The following ZXDC variants were observed in gnomAD, a reference collection of about 807,000 sequenced individuals.
ZXDC encodes ZXD family zinc finger C, also known as zinc finger protein ZXDC.
Under a neutral mutation model 63.6 loss-of-function variants are expected in ZXDC, and 58 were observed. The observed-to-expected ratio is 0.91, with a 90% CI of 0.74 to 1.13. The LOEUF (loss-of-function observed/expected upper bound fraction) is 1.13. Among genes scored for constraint, ZXDC ranks in the 50% most tolerant of loss-of-function variants. The pLI is 0.00. For synonymous variants in ZXDC, 561 were observed against 496.1 expected (o/e 1.13, Z -1.74); for missense variants, 1,133 against 1,148.9 (o/e 0.99, Z 0.20).
intron 9 of ZXDC, 140 bp downstream of exon 9, chr3:126,439,492 A>G (rs1417906765): frequency 7.1e-7 from 1 of 1,410,936 alleles, no homozygotes; most frequent in East Asian, 2.5e-5. Context: ...AGGCAGCAAG[A>G]CATCCTGGCA....
chr3:126,474,484 G>C (rs907500566), intron 1 of ZXDC, among the ~76,000 whole-genome samples: 1 of 152,166 alleles, frequency 6.6e-6, no homozygotes, highest in African/African-American at 2.4e-5. Flanking sequence ...AGGTTCAACG[G>C]AAATCAAAGT....
At position 126,475,331 on chromosome 3, in the gene ZXDC, C is replaced by G; in HGVS notation, c.535G>C (p.Glu179Gln). ...GPSTPGYRCP[E>Q]PQCALAFAKK... ...GCGAAGGCCAGCGCGCACTGCGGCTCGGGGCAGCGGTAGCCGGGCGTGCTG... is the reference window on the plus strand; with the variant it reads ...GCGAAGGCCAGCGCGCACTGCGGCTGGGGGCAGCGGTAGCCGGGCGTGCTG... The change falls in exon 1 of 10, where the codon GAG becomes CAG. Residue 179 changes from glutamate to glutamine, a missense_variant. Coordinates refer to ENST00000389709, the MANE Select transcript of ZXDC (RefSeq NM_025112.5). 1 of 1,536,070 alleles carries G rather than the reference C, an allele frequency of 6.5e-7. No individual in the cohort carries two copies. The highest frequency in any genetic ancestry group is 8.8e-7 in the Non-Finnish European group (1 of 1,139,400).
At chr3:126,464,196 C>T (rs1934662487) in intron 5 of ZXDC, among the ~76,000 whole-genome samples, 1 of 152,204 alleles carries the variant, frequency 6.6e-6, no homozygotes, top group Admixed American at 6.5e-5. Context: ...CTACCAGAGA[C>T]CAGACATGTA....
At chr3:126,451,546 G>A (rs1388893679) in intron 7 of ZXDC, 7 of 985,364 alleles carry the variant, frequency 7.1e-6, no homozygotes, top group Non-Finnish European at 8.4e-6. Context: ...AAACATCACA[G>A]AGTGTCCCCA....
At chr3:126,458,016 G>C (rs1934376954) in intron 7 of ZXDC, among the ~76,000 whole-genome samples, 1 of 152,174 alleles carries the variant, frequency 6.6e-6, no homozygotes, top group Admixed American at 6.5e-5. Flanking sequence ...ACCTAGCAGA[G>C]AACCCTACAG....
intron 3 of ZXDC, among the ~76,000 whole-genome samples, chr3:126,471,715 G>T (rs1934986116): frequency 6.6e-6 from 1 of 151,352 alleles, no homozygotes; most frequent in Non-Finnish European, 1.5e-5. Context: ...AAAAAACCTG[G>T]AATTGTTTTT....
intron 7 of ZXDC, among the ~76,000 whole-genome samples, chr3:126,448,521 G>A (rs989201068): frequency 3.3e-5 from 5 of 152,128 alleles, no homozygotes; most frequent in Non-Finnish European, 7.4e-5. Context: ...ATCACAGAGG[G>A]GACCCTGCCT....
intron 4 of ZXDC, among the ~76,000 whole-genome samples, chr3:126,467,066 A>C (rs1450046147): frequency 6.6e-6 from 1 of 152,192 alleles, no homozygotes; most frequent in Non-Finnish European, 1.5e-5. Context: ...TTGCTGCAAC[A>C]AAGGGCAGAA....
chr3:126,451,371 T>G, intron 7 of ZXDC: 1 of 985,438 alleles, frequency 1.0e-6, no homozygotes, highest in Non-Finnish European at 1.2e-6. Flanking sequence ...TCTGGACATT[T>G]GAGTTACAAA....
chr3:126,461,840 C>A lies in ZXDC; in HGVS notation c.1822G>T (p.Ala608Ser), dbSNP rs766470949. 3.1e-6 allele frequency: 5 copies of A among 1,614,060 alleles called. No homozygotes were observed. In the African/African-American group the frequency reaches 6.7e-5, roughly 22 times the overall value. ...GGCAGAGCCACCAGACAGCCTAATG[C>A]TCCTGCACTCACAGTCTGCACGTCA... The part of the protein sequence containing the change: ...VDDVQTVSAG[A>S]LGCLVALPMK... Residue 608 changes from alanine (A) to serine (S), a missense_variant, in exon 6 of 10, where the codon GCA becomes TCA. Transcript: ENST00000389709.
At chr3:126,469,772 G>A (rs963801118) in intron 4 of ZXDC, among the ~76,000 whole-genome samples, 4 of 152,156 alleles carry the variant, frequency 2.6e-5, no homozygotes, top group South Asian at 4.1e-4. Context: ...AACTCTCTGC[G>A]CCCCTGCAGC....
intron 7 of ZXDC, chr3:126,450,345 G>A (rs183715511): frequency 1.3e-5 from 6 of 456,548 alleles, no homozygotes; most frequent in African/African-American, 6.0e-5. Context: ...CTCCCACTTC[G>A]GCAAGTCTGC....
At chr3:126,445,268 T>G (rs1933839557) in intron 7 of ZXDC, among the ~76,000 whole-genome samples, 1 of 152,104 alleles carries the variant, frequency 6.6e-6, no homozygotes, top group Non-Finnish European at 1.5e-5. Flanking sequence ...AATACATTCT[T>G]TGACAACAGC....
At chr3:126,445,700 C>T (rs1357772140) in intron 7 of ZXDC, among the ~76,000 whole-genome samples, 2 of 151,978 alleles carry the variant, frequency 1.3e-5, no homozygotes, top group Non-Finnish European at 2.9e-5. Flanking sequence ...GGAAGATGAA[C>T]CTGGAAAGGA....
intron 5 of ZXDC, among the ~76,000 whole-genome samples, 179 bp downstream of exon 5, chr3:126,465,976 G>GAGGGTCAAAGGCA (rs1415473173): frequency 2.6e-5 from 4 of 152,190 alleles, no homozygotes; most frequent in Non-Finnish European, 5.9e-5. Flanking sequence ...GGAGGGATTA[G>GAGGGTCAAAGGCA]AGGGTCAAAG....
At chr3:126,467,386 G>GTTTTATT (rs1934814853) in intron 4 of ZXDC, among the ~76,000 whole-genome samples, 1 of 152,134 alleles carries the variant, frequency 6.6e-6, no homozygotes, top group South Asian at 2.1e-4. Context: ...TACCTCACAG[G>GTTTTATT]GGTGCTGAGG....
At chr3:126,465,391 C>T (rs1316079875) in intron 5 of ZXDC, among the ~76,000 whole-genome samples, 3 of 152,248 alleles carry the variant, frequency 2.0e-5, no homozygotes, top group Non-Finnish European at 4.4e-5. Context: ...CTCACACACT[C>T]AGCATTCCCC....
intron 7 of ZXDC, chr3:126,453,371 C>A (rs1253539172): frequency 2.0e-6 from 2 of 985,272 alleles, no homozygotes; most frequent in African/African-American, 3.5e-5. Flanking sequence ...AAAAGTTTTT[C>A]TAAATCTGAA....
chr3:126,474,473 G>A (rs1322136878), intron 1 of ZXDC, among the ~76,000 whole-genome samples: 1 of 152,180 alleles, frequency 6.6e-6, no homozygotes, highest in Non-Finnish European at 1.5e-5. Context: ...ACAAAACTGT[G>A]AGGTTCAACG....
Sources: allele counts gnomAD v4.1 joint callset (sites outside exome capture counted in the v4.1 genomes callset), GRCh38; gene constraint gnomAD v4.1.1; transcripts MANE v1.5; gene names NCBI Gene and HGNC (gene_info 2026-07-23, HGNC 2026-07-21).